The following ADAMTSL1 variants were observed in gnomAD, a reference collection of about 807,000 sequenced individuals.
ADAMTSL1 encodes ADAMTS-like protein 1.
In ADAMTSL1, 126 loss-of-function variants were observed where a neutral mutation model predicts 201.8. The observed-to-expected ratio is 0.62, with a 90% CI of 0.54 to 0.72. ADAMTSL1 has a LOEUF of 0.72. ADAMTSL1 is among the 30% of genes least tolerant of loss of function. ADAMTSL1 has a pLI of 0.00. For synonymous variants in ADAMTSL1, 1,121 were observed against 903.4 expected, an observed-to-expected ratio of 1.24 and a Z score of -4.32; for missense variants, 2,679 against 2,277.8, an observed-to-expected ratio of 1.18 and a Z score of -3.59.
chr9:18,898,252 A>G (rs1466166959), intron 26 of ADAMTSL1, among the ~76,000 whole-genome samples: 2 of 152,232 alleles, frequency 1.3e-5, no homozygotes, highest in Admixed American at 1.3e-4. Flanking sequence ...AACCCAATGC[A>G]AAGAAGCCGA....
At chr9:17,928,358 G>C (rs1826639931) in intron 1 of ADAMTSL1, among the ~76,000 whole-genome samples, 1 of 152,042 alleles carries the variant, frequency 6.6e-6, no homozygotes, top group Admixed American at 6.6e-5. Flanking sequence ...TTACTATTTT[G>C]GGAGATCCAG....
chr9:17,944,302 A>G (rs1827363760), intron 1 of ADAMTSL1, among the ~76,000 whole-genome samples: 1 of 152,112 alleles, frequency 6.6e-6, no homozygotes, highest in Non-Finnish European at 1.5e-5. Flanking sequence ...CCACTGCTCA[A>G]TGAAATAAAA....
In ADAMTSL1 at chr9:18,679,195, C is replaced by T. The variant is rs139266543; in HGVS notation, c.1137-1117C>T. On this transcript the variant is annotated intron_variant, in intron 10 of 28. Transcript: ENST00000380548. ...CCCGCCTACAGAATAATTAATGTCT[C>T]AATGGTGTGCCTGTGCAACATTTTA... Among the ~76,000 whole-genome samples the T allele has an allele frequency of 4.5e-3, 680 of 152,274 alleles. 4 individuals carry two copies. The highest frequency in any genetic ancestry group is 2.9e-3 in the Non-Finnish European group (197 of 68,006).
intron 2 of ADAMTSL1, among the ~76,000 whole-genome samples, chr9:18,293,763 A>G (rs1163188412): frequency 2.0e-5 from 3 of 152,168 alleles, no homozygotes; most frequent in African/African-American, 7.2e-5. Flanking sequence ...GTCAAGATGT[A>G]TTACCTTCTG....
chr9:18,309,021 C>T (rs931667283), intron 2 of ADAMTSL1, among the ~76,000 whole-genome samples: 4 of 152,174 alleles, frequency 2.6e-5, no homozygotes, highest in Non-Finnish European at 5.9e-5. Context: ...GGATGCAAGG[C>T]TTGTTCCACA....
chr9:18,700,555 C>A (rs1352426113), intron 13 of ADAMTSL1, among the ~76,000 whole-genome samples: 1 of 152,080 alleles, frequency 6.6e-6, no homozygotes, highest in Non-Finnish European at 1.5e-5. Context: ...GGTTTTTACT[C>A]CATTAATGTC....
intron 5 of ADAMTSL1, among the ~76,000 whole-genome samples, chr9:18,625,390 T>A (rs1168190633): frequency 1.3e-5 from 2 of 152,078 alleles, no homozygotes; most frequent in Non-Finnish European, 2.9e-5. Context: ...GAGAAGTTTA[T>A]CAAATGGCTG....
intron 22 of ADAMTSL1, among the ~76,000 whole-genome samples, chr9:18,828,048 T>A (rs1311136333): frequency 6.6e-6 from 1 of 152,246 alleles, no homozygotes; most frequent in Non-Finnish European, 1.5e-5. Flanking sequence ...TGACTTAACC[T>A]GTACTATGAG....
intron 4 of ADAMTSL1, among the ~76,000 whole-genome samples, chr9:18,594,149 G>C (rs1564076232): frequency 2.0e-5 from 3 of 151,960 alleles, no homozygotes; most frequent in East Asian, 1.9e-4. Context: ...TCTTTTTGTT[G>C]ACATTTTTTT....
chr9:18,217,135 A>G (rs1563813995), intron 2 of ADAMTSL1, among the ~76,000 whole-genome samples: 1 of 152,192 alleles, frequency 6.6e-6, no homozygotes. Flanking sequence ...CAGTTACTTT[A>G]TCTCTCTAGA....
intron 14 of ADAMTSL1, chr9:18,718,062 C>T: frequency 6.7e-7 from 1 of 1,500,154 alleles, no homozygotes. Context: ...TAAAAGATCT[C>T]ATTAACATTT....
chr9:18,608,087 T>C (rs1423342295), intron 4 of ADAMTSL1, among the ~76,000 whole-genome samples: 1 of 152,170 alleles, frequency 6.6e-6, no homozygotes, highest in East Asian at 1.9e-4. Context: ...GTGTGAACCA[T>C]AAAAATTGGA....
At position 18,777,293 on chromosome 9, in the gene ADAMTSL1, G is replaced by T. The variant is rs754835974; in HGVS notation, c.3064G>T (p.Asp1022Tyr). The T allele has an allele frequency of 6.2e-6, 10 of 1,606,168 alleles. No homozygotes were observed. The Admixed American group carries it at 1.4e-4, about 22-fold the overall frequency. Reference sequence around the variant, plus strand: ...GGCCGCCAACCCGGGGAGCCGCTACGACGACCTCGTCTCCCGGCTGCTGGA... The same window carrying T: ...GGCCGCCAACCCGGGGAGCCGCTACTACGACCTCGTCTCCCGGCTGCTGGA... ...GLAANPGSRY[D>Y]DLVSRLLEQG... The change falls in exon 19 of 29, where the codon GAC becomes TAC. Residue 1022 changes from aspartate to tyrosine, a missense_variant. Coordinates refer to ENST00000380548, the MANE Select transcript of ADAMTSL1 (RefSeq NM_001040272.6).
intron 1 of ADAMTSL1, among the ~76,000 whole-genome samples, chr9:18,485,389 T>A (rs1257590830): frequency 7.9e-5 from 12 of 152,234 alleles, no homozygotes; most frequent in Admixed American, 7.8e-4. Flanking sequence ...TACTTTGTCA[T>A]GGATTGGCCT....
intron 2 of ADAMTSL1, among the ~76,000 whole-genome samples, chr9:18,211,607 T>C (rs2132318179): frequency 6.6e-6 from 1 of 152,328 alleles, no homozygotes; most frequent in Non-Finnish European, 1.5e-5. Context: ...TTGACATCTG[T>C]GGGGAAGTAC....
chr9:17,983,226 A>G (rs1006643467), intron 1 of ADAMTSL1, among the ~76,000 whole-genome samples: 1 of 151,974 alleles, frequency 6.6e-6, no homozygotes, highest in Non-Finnish European at 1.5e-5. Context: ...GGGCACCACC[A>G]TGCCCAGCTA....
chr9:18,822,843 G>A (rs1481290550), intron 21 of ADAMTSL1, among the ~76,000 whole-genome samples: 7 of 152,168 alleles, frequency 4.6e-5, no homozygotes, highest in African/African-American at 7.2e-5. Flanking sequence ...AGTACACTCC[G>A]ATGTTGAGGT....
Position 18,685,135 on chromosome 9 carries a change from A to C in ADAMTSL1, c.1574+335A>C, listed in dbSNP as rs559598017. On this transcript the variant is annotated intron_variant, in intron 13 of 28. Coordinates refer to ENST00000380548, the MANE Select transcript of ADAMTSL1 (RefSeq NM_001040272.6). ...ATGATATAACATAGATTTGATGCCAAAGTCTGAGCTGCTTTTCACACTCTC... is the reference window on the plus strand; with the variant it reads ...ATGATATAACATAGATTTGATGCCACAGTCTGAGCTGCTTTTCACACTCTC... Among the ~76,000 whole-genome samples, 3 of 152,326 alleles carry C rather than the reference A, an allele frequency of 2.0e-5. No individual in the cohort carries two copies. The South Asian group carries it at 6.2e-4, about 32-fold the overall frequency.
At chr9:18,026,471 G>A (rs140120567) in intron 1 of ADAMTSL1, among the ~76,000 whole-genome samples, 2 of 151,956 alleles carry the variant, frequency 1.3e-5, no homozygotes, top group Non-Finnish European at 2.9e-5. Context: ...TGATAATGTG[G>A]TTTTTATTTT....
Sources: gnomAD v4.1 joint callset for allele counts (sites outside exome capture counted in the v4.1 genomes callset) on GRCh38, gnomAD v4.1.1 for gene constraint, MANE v1.5 for transcripts, NCBI Gene and HGNC (gene_info 2026-07-23, HGNC 2026-07-21) for gene names.